Variants in EPHB1 observed in about 807,000 individuals in gnomAD.
EPHB1 encodes EPH receptor B1.
A neutral mutation model predicts 94.4 loss-of-function variants in EPHB1; 30 were observed. That is an observed-to-expected ratio of 0.32 (90% CI 0.24 to 0.43). EPHB1 has a LOEUF of 0.43. Among genes scored for constraint, EPHB1 ranks in the 20% least tolerant of loss-of-function variants. EPHB1 has a pLI of 1.00. For synonymous variants in EPHB1, 522 were observed against 489.1 expected, an observed-to-expected ratio of 1.07 and a Z score of -0.89; for missense variants, 1,055 against 1,308.3, an observed-to-expected ratio of 0.81 and a Z score of 2.99.
chr3:135,220,266 C>T (rs1032908848), intron 12 of EPHB1, among the ~76,000 whole-genome samples: 1 of 152,100 alleles, frequency 6.6e-6, no homozygotes, highest in African/African-American at 2.4e-5. Context: ...GGCTGCTCTG[C>T]GGATGCTCAC....
intron 4 of EPHB1, among the ~76,000 whole-genome samples, chr3:135,130,430 G>A (rs552871975): frequency 6.6e-6 from 1 of 152,318 alleles, no homozygotes; most frequent in Admixed American, 6.5e-5. Flanking sequence ...GACTTCAGTT[G>A]GCTGAGCAGG....
chr3:135,025,153 C>A (rs1936111470), intron 3 of EPHB1, among the ~76,000 whole-genome samples: 2 of 87,112 alleles, frequency 2.3e-5, no homozygotes. Flanking sequence ...TTCCTTCCCT[C>A]CTTCCTTCTT....
intron 5 of EPHB1, among the ~76,000 whole-genome samples, chr3:135,145,419 G>A (rs1279448416): frequency 6.6e-6 from 1 of 152,104 alleles, no homozygotes; most frequent in East Asian, 1.9e-4. Flanking sequence ...GAAGTCCCTC[G>A]AGGGGACTTC....
intron 3 of EPHB1, among the ~76,000 whole-genome samples, chr3:134,994,616 G>A (rs1008139365): frequency 2.6e-5 from 4 of 152,094 alleles, no homozygotes; most frequent in African/African-American, 9.7e-5. Context: ...TAGAACTGAG[G>A]TCTTACTATG....
At position 135,204,228 on chromosome 3, in the gene EPHB1, A is replaced by T. The variant is rs532349949; in HGVS notation, c.2346+2539A>T. Reference sequence around the variant, plus strand: ...TATTTTTTTTTATTTTTTGAGACAGAGTTTCACTCTTGTCATCCAGGCTGG... The same window carrying T: ...TATTTTTTTTTATTTTTTGAGACAGTGTTTCACTCTTGTCATCCAGGCTGG... On this transcript the variant is annotated intron_variant, in intron 12 of 15. Coordinates refer to ENST00000398015, the MANE Select transcript of EPHB1 (RefSeq NM_004441.5). Among the ~76,000 whole-genome samples, 152 of 152,016 alleles carry T rather than the reference A, an allele frequency of 1.0e-3. 2 individuals are homozygous for T. Among genetic ancestry groups the T allele is most frequent in the African/African-American group, 3.5e-3 (143 of 41,442 alleles).
intron 10 of EPHB1, among the ~76,000 whole-genome samples, chr3:135,182,869 G>T (rs570907441): frequency 6.6e-6 from 1 of 152,258 alleles, no homozygotes; most frequent in South Asian, 2.1e-4. Flanking sequence ...CACCATGTTG[G>T]TAGCTTGACA....
intron 4 of EPHB1, among the ~76,000 whole-genome samples, chr3:135,121,356 G>A (rs956049800): frequency 6.6e-6 from 1 of 152,224 alleles, no homozygotes; most frequent in Non-Finnish European, 1.5e-5. Context: ...ATCAGGATAT[G>A]CTAAATCAAA....
At chr3:135,241,026 C>A in intron 12 of EPHB1, 122 bp from the exon 13 acceptor site, 1 of 1,182,310 alleles carries the variant, frequency 8.5e-7, no homozygotes, top group Non-Finnish European at 1.2e-6. Flanking sequence ...AATAGCCTGT[C>A]TGTCATAATT....
At chr3:134,843,026 ATTTCT>A (rs745404683) in intron 1 of EPHB1, among the ~76,000 whole-genome samples, 1 of 151,792 alleles carries the variant, frequency 6.6e-6, no homozygotes, top group Non-Finnish European at 1.5e-5. Context: ...TTCTGGTGTC[ATTTCT>A]TTTCATCTTG....
chr3:134,879,838 G>A (rs1398162705), intron 1 of EPHB1, among the ~76,000 whole-genome samples: 2 of 151,994 alleles, frequency 1.3e-5, no homozygotes, highest in Admixed American at 1.3e-4. Flanking sequence ...AAAAAGTAGG[G>A]GTTGGTGAAG....
chr3:135,106,724 G>A (rs1296570894), intron 4 of EPHB1, 121 bp downstream of exon 4: 3 of 1,291,184 alleles, frequency 2.3e-6, no homozygotes, highest in Middle Eastern at 2.0e-4. Context: ...AGAATTGCTG[G>A]CCATGGTGCT....
chr3:134,894,995 G>T (rs6762621), intron 1 of EPHB1, among the ~76,000 whole-genome samples: 1 of 152,068 alleles, frequency 6.6e-6, no homozygotes, highest in South Asian at 2.1e-4. Flanking sequence ...AGGAGTGGCT[G>T]CCTCCAGCCT....
chr3:134,950,180 T>G (rs1036754709), intron 2 of EPHB1, among the ~76,000 whole-genome samples: 2 of 152,242 alleles, frequency 1.3e-5, no homozygotes. Context: ...ACATGTGTTG[T>G]TCTTCTCTTT....
At chr3:134,962,063 CA>C (rs1933540289) in intron 3 of EPHB1, among the ~76,000 whole-genome samples, 1 of 152,118 alleles carries the variant, frequency 6.6e-6, no homozygotes, top group Non-Finnish European at 1.5e-5. Flanking sequence ...TTGTCCTCCC[CA>C]AAAAGGCATT....
intron 2 of EPHB1, among the ~76,000 whole-genome samples, chr3:134,946,299 A>G (rs970680687): frequency 1.3e-5 from 2 of 152,136 alleles, no homozygotes; most frequent in African/African-American, 4.8e-5. Flanking sequence ...AGCGACTTCT[A>G]GTTACACTCA....
chr3:135,032,308 C>G (rs1464811363), intron 3 of EPHB1, among the ~76,000 whole-genome samples: 1 of 148,254 alleles, frequency 6.7e-6, no homozygotes, highest in African/African-American at 2.5e-5. Context: ...GGTCATTTCT[C>G]CTACTTCATC....
At chr3:134,892,997 C>T (rs1578175737) in intron 1 of EPHB1, among the ~76,000 whole-genome samples, 1 of 152,264 alleles carries the variant, frequency 6.6e-6, no homozygotes, top group East Asian at 1.9e-4. Flanking sequence ...GGCACATGCT[C>T]ACACACACGG....
At chr3:134,939,021 G>A (rs997687892) in intron 2 of EPHB1, among the ~76,000 whole-genome samples, 1 of 152,002 alleles carries the variant, frequency 6.6e-6, no homozygotes, top group Non-Finnish European at 1.5e-5. Context: ...CTCCTTCCTA[G>A]CAATCTGAAT....
intron 3 of EPHB1, among the ~76,000 whole-genome samples, chr3:134,967,020 C>A (rs1443028635): frequency 6.6e-6 from 1 of 152,194 alleles, no homozygotes; most frequent in Non-Finnish European, 1.5e-5. Context: ...TTTATTCAAC[C>A]AGCCTCACTC....
Sources: allele counts gnomAD v4.1 joint callset (sites outside exome capture counted in the v4.1 genomes callset), GRCh38; gene constraint gnomAD v4.1.1; transcripts MANE v1.5; gene names NCBI Gene and HGNC (gene_info 2026-07-23, HGNC 2026-07-21).